The following MTAP variants were observed in gnomAD, a reference collection of about 807,000 sequenced individuals.
MTAP encodes S-methyl-5'-thioadenosine phosphorylase.
In MTAP, 33 loss-of-function variants were observed where a neutral mutation model predicts 33.6. That is an observed-to-expected ratio of 0.98 (90% CI 0.74 to 1.31). MTAP has a LOEUF of 1.31. Among genes scored for constraint, MTAP ranks in the 40% most tolerant of loss-of-function variants. The pLI, the probability that MTAP is intolerant of heterozygous loss-of-function variation, is 0.00. For synonymous variants in MTAP, 148 were observed against 125.7 expected (o/e 1.18, Z -1.19); for missense variants, 367 against 360.0 (o/e 1.02, Z -0.16).
intron 6 of MTAP, among the ~76,000 whole-genome samples, chr9:21,858,536 A>G (rs965053702): frequency 2.0e-5 from 3 of 152,170 alleles, no homozygotes; most frequent in Non-Finnish European, 4.4e-5. Flanking sequence ...AGAGAGTGAG[A>G]GGAGAGGTGC....
chr9:21,908,623 T>G (rs1563866830), intron 1 of MTAP, among the ~76,000 whole-genome samples: 1 of 152,130 alleles, frequency 6.6e-6, no homozygotes, highest in Non-Finnish European at 1.5e-5. Context: ...ATTTGTGTAG[T>G]TAGAATAGTG....
chr9:21,925,012 G>A (rs1361205869), intron 1 of MTAP, among the ~76,000 whole-genome samples: 1 of 152,180 alleles, frequency 6.6e-6, no homozygotes, highest in African/African-American at 2.4e-5. Context: ...CCAAAAATTT[G>A]CAAATGCAAT....
chr9:21,869,205 C>G (rs1249374950), downstream of MTAP, among the ~76,000 whole-genome samples: 2 of 152,082 alleles, frequency 1.3e-5, no homozygotes, highest in African/African-American at 2.4e-5. Context: ...GTTATTGTTT[C>G]TCCTGCCTCC....
At chr9:21,907,403 CA>C (rs1818493018) in intron 1 of MTAP, among the ~76,000 whole-genome samples, 1 of 152,150 alleles carries the variant, frequency 6.6e-6, no homozygotes, top group Non-Finnish European at 1.5e-5. Context: ...CAAAAACCTA[CA>C]AAAATTAGCT....
chr9:21,915,250 G>A (rs1471569270), intron 1 of MTAP, among the ~76,000 whole-genome samples: 4 of 151,314 alleles, frequency 2.6e-5, no homozygotes, highest in East Asian at 1.9e-4. Flanking sequence ...CACCACGCCC[G>A]GCTAATTTTT....
At chr9:21,889,748 C>T (rs964547757) in intron 1 of MTAP, among the ~76,000 whole-genome samples, 5 of 152,140 alleles carry the variant, frequency 3.3e-5, no homozygotes, top group African/African-American at 9.7e-5. Context: ...TGTGATCTGT[C>T]TTTGGGTTTC....
chr9:21,832,323 G>T (rs1264006957), intron 4 of MTAP, among the ~76,000 whole-genome samples: 1 of 152,184 alleles, frequency 6.6e-6, no homozygotes, highest in Non-Finnish European at 1.5e-5. Flanking sequence ...AGTATGCTCT[G>T]ATGTCAAGTA....
intron 1 of MTAP, among the ~76,000 whole-genome samples, chr9:21,900,346 T>C (rs181593134): frequency 4.3e-4 from 65 of 152,142 alleles, no homozygotes; most frequent in Non-Finnish European, 8.4e-4. Context: ...AATTTAAAAA[T>C]GGGCAAACGA....
Position 21,862,165 on chromosome 9 carries a change from T to A in MTAP, c.*151T>A. The A allele has an allele frequency of 2.0e-6, 3 of 1,466,074 alleles. No homozygotes were observed. The highest frequency in any genetic ancestry group is 2.7e-6 in the Non-Finnish European group (3 of 1,110,938). 90.8% of individuals were successfully genotyped at this position (1,466,074 alleles called of 1,614,324 possible). A position where few individuals can be genotyped will look rare whatever the true frequency, so the allele number is the denominator to read the frequency against. ...GTTGTAAGAAAGACAAGACATTGTG[T>A]GTATTAGAGACTCCTGAATGATTTA... On this transcript the variant is annotated 3_prime_UTR_variant, in exon 8 of 8. Transcript: ENST00000644715.
At chr9:21,885,779 G>GGTGTGTGTGTGTGTGT (rs34691018) in intron 1 of MTAP, among the ~76,000 whole-genome samples, 1 of 144,348 alleles carries the variant, frequency 6.9e-6, no homozygotes. Context: ...AGTATTACAT[G>GGTGTGTGTGTGTGTGT]GTGTGTGTGT....
intron 4 of MTAP, among the ~76,000 whole-genome samples, chr9:21,828,682 AAAG>A (rs1233265559): frequency 6.6e-6 from 1 of 152,226 alleles, no homozygotes; most frequent in African/African-American, 2.4e-5. Flanking sequence ...TCTCAAAAAA[AAAG>A]AAGGATCCCT....
chr9:21,899,999 C>G (rs941908336), intron 1 of MTAP, among the ~76,000 whole-genome samples: 1 of 152,086 alleles, frequency 6.6e-6, no homozygotes, highest in Non-Finnish European at 1.5e-5. Flanking sequence ...GAAACTGGAC[C>G]CCTTCCTTAT....
chr9:21,937,404 A>G (rs541278092), exon 8 of MTAP: 2 of 152,296 alleles, frequency 1.3e-5, no homozygotes, highest in African/African-American at 4.8e-5. Flanking sequence ...CTTCTCTGTG[A>G]AAATGACAGT....
At chr9:21,805,662 C>T (rs1218327326) in intron 1 of MTAP, among the ~76,000 whole-genome samples, 1 of 152,178 alleles carries the variant, frequency 6.6e-6, no homozygotes, top group Non-Finnish European at 1.5e-5. Flanking sequence ...AAGCAGTGCC[C>T]TTACAAAAGA....
At position 21,879,712 on chromosome 9, in the gene MTAP, T is replaced by TGGTA. The variant is rs1817972282; in HGVS notation, c.147+24842_147+24843insGGTA. Among the ~76,000 whole-genome samples, 3 of 152,286 alleles carry TGGTA rather than the reference T, an allele frequency of 2.0e-5. No individual in the cohort carries two copies. In the South Asian group the frequency reaches 6.2e-4, roughly 32 times the overall value. The stretch of plus-strand genomic sequence containing the variant: ...ATATAGTGCTCCTTTCAAGATCTCT[T>TGGTA]ACAAGGCAGATCTGTTGGTAACAAA... On this transcript the variant is annotated intron_variant, in intron 1 of 1. Transcript: ENST00000577563.
intron 1 of MTAP, among the ~76,000 whole-genome samples, chr9:21,814,519 T>C (rs555346730): frequency 6.6e-6 from 1 of 152,356 alleles, no homozygotes; most frequent in South Asian, 2.1e-4. Context: ...ATTTCCCTAA[T>C]GATTTGTTAC....
intron 1 of MTAP, among the ~76,000 whole-genome samples, chr9:21,925,182 C>T (rs1818849393): frequency 6.6e-6 from 1 of 152,150 alleles, no homozygotes; most frequent in African/African-American, 2.4e-5. Flanking sequence ...AGCCTGTAAA[C>T]TATAATAAAA....
chr9:21,930,022 C>T (rs1587305234), intron 1 of MTAP: 1 of 416,888 alleles, frequency 2.4e-6, no homozygotes. Flanking sequence ...TAATTAAGTC[C>T]ATTCAGTTTT....
At chr9:21,931,311 C>CG (rs900800214), downstream of MTAP, 3 of 568,816 alleles carry the variant, frequency 5.3e-6, no homozygotes, top group Admixed American at 3.1e-5. Context: ...TGGATTTTTG[C>CG]GGGGGAAAAT....
Sources: allele counts gnomAD v4.1 joint callset (sites outside exome capture counted in the v4.1 genomes callset), GRCh38; gene constraint gnomAD v4.1.1; transcripts MANE v1.5; gene names NCBI Gene and HGNC (gene_info 2026-07-23, HGNC 2026-07-21).